The following SULT6B1 variants were observed in gnomAD, a reference collection of about 807,000 sequenced individuals.
SULT6B1 encodes sulfotransferase family 6B member 1.
SULT6B1 carries 44 observed loss-of-function variants against 37.2 expected under a neutral mutation model. The observed-to-expected ratio is 1.18, with a 90% confidence interval of 0.93 to 1.52. SULT6B1 has a LOEUF of 1.52. SULT6B1 is among the 40% of genes most tolerant of loss of function. The pLI is 0.00. For synonymous variants in SULT6B1, 140 were observed against 126.0 expected, an observed-to-expected ratio of 1.11 and a Z score of -0.74; for missense variants, 450 against 361.0, an observed-to-expected ratio of 1.25 and a Z score of -2.00.
At chr2:37,175,662 A>G (rs1439123044) in intron 4 of SULT6B1, among the ~76,000 whole-genome samples, 1 of 152,232 alleles carries the variant, frequency 6.6e-6, no homozygotes, top group African/African-American at 2.4e-5. Flanking sequence ...CAAAAGAAAC[A>G]AATGAAATTA....
At chr2:37,189,390 G>A (rs1676738492), upstream of SULT6B1, among the ~76,000 whole-genome samples, 1 of 152,212 alleles carries the variant, frequency 6.6e-6, no homozygotes, top group South Asian at 2.1e-4. Flanking sequence ...AGGAGTGGAA[G>A]TTTATTAAAA....
chr2:37,193,652 G>GAAGAAGAAGAAGAAGAAGAAGAAGA (rs1420064697), upstream of SULT6B1, among the ~76,000 whole-genome samples: 1 of 46,754 alleles, frequency 2.1e-5, no homozygotes. Flanking sequence ...GAAGAAGAAG[G>GAAGAAGAAGAAGAAGAAGAAGAAGA]AGAAGAAGGA....
In SULT6B1 at chr2:37,188,666, T is replaced by C. The variant is rs573919611; in HGVS notation, c.-26A>G. ...GGTGGCTCCCTGTAAAAGAACCTGCTCTGTGGCTGTTCAGGGGGAGTGATT... is the reference window on the plus strand; with the variant it reads ...GGTGGCTCCCTGTAAAAGAACCTGCCCTGTGGCTGTTCAGGGGGAGTGATT... On this transcript the variant is annotated 5_prime_UTR_variant, in exon 1 of 7. Coordinates refer to ENST00000535679, the MANE Select transcript of SULT6B1 (RefSeq NM_001367551.1). The C allele has an allele frequency of 2.2e-5, 18 of 834,702 alleles. No homozygotes were observed. The African/African-American group carries it at 2.9e-4, about 13-fold the overall frequency. 51.7% of individuals were successfully genotyped at this position (834,702 alleles called of 1,614,324 possible). A position where few individuals can be genotyped will look rare whatever the true frequency, so the allele number is the denominator to read the frequency against.
intron 4 of SULT6B1, among the ~76,000 whole-genome samples, chr2:37,177,456 G>C (rs187495082): frequency 1.9e-3 from 249 of 132,640 alleles, no homozygotes; most frequent in Non-Finnish European, 1.1e-3. Context: ...AAAAAGAGAA[G>C]AATACAGCAT....
chr2:37,188,522 C>G lies in SULT6B1; in HGVS notation c.119G>C (p.Cys40Ser). 19 of 1,614,142 alleles carry G rather than the reference C, an allele frequency of 1.2e-5. No individual in the cohort carries two copies. The highest frequency in any genetic ancestry group is 1.6e-5 in the Non-Finnish European group (19 of 1,179,990). Residue 40 changes from cysteine to serine, a missense_variant, in exon 1 of 7, where the codon TGC becomes TCC. Physicochemically the swap from Cys to Ser is moderately radical, Grantham distance 112 (BLOSUM62 -1). Coordinates refer to ENST00000535679, the MANE Select transcript of SULT6B1 (RefSeq NM_001367551.1). ...CAGCGCTTGGAAAGTTTCTGAGGTG[C>G]ACATGGTGATGGGGTAAGGAATCCC... ...YQGIPYPITM[C>S]TSETFQALDT... is the part of the protein sequence containing the mutation.
rs1198851439 is a variant in SULT6B1, at chr2:37,187,355, C to G, written c.312G>C (p.Gln104His). 6.4e-7 allele frequency: 1 copy of G among 1,574,226 alleles called. No individual in the cohort carries two copies. Residue 104 changes from glutamine (Q) to histidine (H), a missense_variant and splice_region_variant, in exon 2 of 7, where the codon CAG (glutamine) becomes CAC (histidine). Gln to His is a conservative substitution (Grantham distance 24). Transcript: ENST00000535679. The stretch of plus-strand genomic sequence containing the variant: ...AAGGTTAAAGGCTGGTTGTACTAAC[C>G]TGATATTTTTCTGAATCCCCACATT... ...VLECGDSEKY[Q>H]RMKGFPSPRI...
intron 5 of SULT6B1, 53 bp downstream of exon 5, chr2:37,175,079 C>G: frequency 6.6e-6 from 7 of 1,066,918 alleles, no homozygotes; most frequent in South Asian, 1.8e-5. Flanking sequence ...AGTAAGTGCT[C>G]TACGTTGTAG....
At chr2:37,179,147 A>G (rs1676494289) in intron 4 of SULT6B1, among the ~76,000 whole-genome samples, 1 of 152,072 alleles carries the variant, frequency 6.6e-6, no homozygotes, top group Admixed American at 6.6e-5. Context: ...TTTAGTAGAG[A>G]TGGGGTTTCA....
intron 1 of SULT6B1, 85 bp downstream of exon 1, chr2:37,188,357 C>G: frequency 8.6e-7 from 1 of 1,165,532 alleles, no homozygotes; most frequent in East Asian, 2.4e-5. Context: ...CAATGAGGAA[C>G]CGCCTTCATC....
At position 37,180,199 on chromosome 2, in the gene SULT6B1, C is replaced by A. The variant is rs72874047; in HGVS notation, c.403-615G>T. 8.9e-3 allele frequency among the ~76,000 whole-genome samples: 1,356 copies of A among 152,288 alleles called. 20 individuals are homozygous for A. The highest frequency in any genetic ancestry group is 0.031 in the African/African-American group (1,275 of 41,566). ...TGAGTTCAGCCTTCTGGCCTGAAGC[C>A]TTCTATTTCAAGAACTGAGGAAACT... On this transcript the variant is annotated intron_variant, in intron 3 of 6. Coordinates refer to ENST00000535679, the MANE Select transcript of SULT6B1 (RefSeq NM_001367551.1).
At chr2:37,170,674 G>A (rs1473738905) in intron 6 of SULT6B1, among the ~76,000 whole-genome samples, 6 of 148,922 alleles carry the variant, frequency 4.0e-5, no homozygotes, top group Middle Eastern at 6.9e-3. Context: ...GGAAGCAGAG[G>A]TTGCAGTGAG....
chr2:37,171,102 G>A (rs944610172), intron 6 of SULT6B1, among the ~76,000 whole-genome samples: 2 of 152,134 alleles, frequency 1.3e-5, no homozygotes, highest in African/African-American at 2.4e-5. Context: ...AACTGGGTGT[G>A]GTGGCACGCG....
At chr2:37,193,376 C>T (rs1231600250), upstream of SULT6B1, among the ~76,000 whole-genome samples, 5 of 151,196 alleles carry the variant, frequency 3.3e-5, no homozygotes, top group African/African-American at 7.3e-5. Flanking sequence ...GCAAGAGAAT[C>T]GCTTGAATCC....
intron 3 of SULT6B1, among the ~76,000 whole-genome samples, chr2:37,180,835 G>C (rs1432512546): frequency 1.3e-5 from 2 of 152,154 alleles, no homozygotes; most frequent in Non-Finnish European, 2.9e-5. Context: ...CATGAGCCAA[G>C]ATTGTGCCAT....
upstream of SULT6B1, among the ~76,000 whole-genome samples, chr2:37,193,064 C>T (rs1467757456): frequency 6.6e-6 from 1 of 152,172 alleles, no homozygotes; most frequent in African/African-American, 2.4e-5. Flanking sequence ...CTCCTTGTGT[C>T]TTACCCATAT....
intron 1 of SULT6B1, 55 bp from the exon 2 acceptor site, chr2:37,187,522 G>C: frequency 1.8e-6 from 2 of 1,103,062 alleles, no homozygotes; most frequent in African/African-American, 1.6e-5. Context: ...TATAACAAAA[G>C]GACGTTACTT....
intron 2 of SULT6B1, among the ~76,000 whole-genome samples, chr2:37,186,463 T>G (rs575068612): frequency 6.6e-6 from 1 of 152,270 alleles, no homozygotes; most frequent in South Asian, 2.1e-4. Context: ...TTAGTTGTAT[T>G]GGGAAGGTAA....
chr2:37,193,281 C>T (rs1435234189), upstream of SULT6B1, among the ~76,000 whole-genome samples: 2 of 140,386 alleles, frequency 1.4e-5, no homozygotes, highest in Non-Finnish European at 3.0e-5. Flanking sequence ...CATGGTGAAA[C>T]TCTGTCTCTA....
chr2:37,189,108 T>C (rs965255195), upstream of SULT6B1, among the ~76,000 whole-genome samples: 1 of 152,026 alleles, frequency 6.6e-6, no homozygotes, highest in African/African-American at 2.4e-5. Context: ...AGAGACCAGA[T>C]TTGGGGGCAG....
Sources: allele counts gnomAD v4.1 joint callset (sites outside exome capture counted in the v4.1 genomes callset), GRCh38; gene constraint gnomAD v4.1.1; transcripts MANE v1.5; gene names NCBI Gene and HGNC (gene_info 2026-07-23, HGNC 2026-07-21).